Variants in DPP3 observed in about 807,000 individuals in gnomAD.
The protein encoded by DPP3 is dipeptidyl peptidase 3.
A neutral mutation model predicts 89.8 loss-of-function variants in DPP3; 64 were observed. That is an observed-to-expected ratio of 0.71 (90% confidence interval 0.58 to 0.88). The LOEUF (loss-of-function observed/expected upper bound fraction) is 0.88. Among genes scored for constraint, DPP3 ranks in the 40% least tolerant of loss-of-function variants. The pLI, the probability that DPP3 is intolerant of heterozygous loss-of-function variation, is 0.00. For missense variants in DPP3, 835 were observed against 972.5 expected (o/e 0.86, Z 1.88); for synonymous variants, 377 against 404.3 (o/e 0.93, Z 0.81).
rs1314199591 is a variant in DPP3 at position 66,491,471 on chromosome 11, TGACC to T, written c.799-18_799-15del. Reference sequence around the variant, plus strand: ...TGGAGGTGGGTGGGTGGCCCGAGGCTGACCGACCCCCGCTCACCTCAGGCCTATG... The same window carrying T: ...TGGAGGTGGGTGGGTGGCCCGAGGCTGACCCCCGCTCACCTCAGGCCTATG... On this transcript the variant is annotated intron_variant, in intron 7 of 17. Transcript: ENST00000531863. 1.3e-6 allele frequency: 2 copies of T among 1,597,338 alleles called. No homozygotes were observed. Among genetic ancestry groups the T allele is most frequent in the Non-Finnish European group, 1.7e-6 (2 of 1,169,168 alleles).
intron 16 of DPP3, among the ~76,000 whole-genome samples, chr11:66,502,429 T>C (rs940335588): frequency 1.3e-4 from 20 of 151,568 alleles, no homozygotes; most frequent in African/African-American, 4.8e-4. Flanking sequence ...TGCCTCAGCC[T>C]CCCGAGTAGC....
chr11:66,493,313 A>T (rs1377098140), intron 11 of DPP3, 134 bp downstream of exon 11: 2 of 861,262 alleles, frequency 2.3e-6, no homozygotes, highest in Non-Finnish European at 3.6e-6. Flanking sequence ...CAACCATGTG[A>T]CCGTGTGGAC....
intron 8 of DPP3, 25 bp downstream of exon 8, chr11:66,491,649 T>G (rs1402675629): frequency 6.4e-7 from 1 of 1,558,384 alleles, no homozygotes; most frequent in Non-Finnish European, 8.7e-7. Context: ...CCACCCCACC[T>G]GCCCCCTCCT....
At chr11:66,506,071 C>G (rs913580470) in intron 17 of DPP3, among the ~76,000 whole-genome samples, 2 of 152,066 alleles carry the variant, frequency 1.3e-5, no homozygotes, top group Non-Finnish European at 2.9e-5. Context: ...GCCCCAGTCT[C>G]CCGAGTAGCT....
At position 66,509,618 on chromosome 11, in the gene DPP3, A is replaced by G. The variant is rs935292400; in HGVS notation, c.*367A>G. The stretch of plus-strand genomic sequence containing the variant: ...CAAATCCAATGCTCCTCACATATTA[A>G]TTTTATAACCAGACAAATAAATATT... On this transcript the variant is annotated 3_prime_UTR_variant, in exon 18 of 18. Coordinates refer to ENST00000531863, the MANE Select transcript of DPP3 (RefSeq NM_130443.4). 21 of 591,034 alleles carry G rather than the reference A, an allele frequency of 3.6e-5. No homozygotes were observed. Among genetic ancestry groups the G allele is most frequent in the African/African-American group, 3.1e-4 (17 of 54,344 alleles). 36.6% of individuals were successfully genotyped at this position (591,034 alleles called of 1,614,324 possible). A position where few individuals can be genotyped will look rare whatever the true frequency, so the allele number is the denominator to read the frequency against.
intron 16 of DPP3, among the ~76,000 whole-genome samples, chr11:66,501,284 C>T (rs981731524): frequency 1.3e-5 from 2 of 151,550 alleles, no homozygotes; most frequent in African/African-American, 2.4e-5. Context: ...CACTTGAACC[C>T]GGGAGGTGGG....
chr11:66,491,427 C>G, intron 7 of DPP3, 44 bp downstream of exon 7: 1 of 1,606,016 alleles, frequency 6.2e-7, no homozygotes, highest in Non-Finnish European at 8.5e-7. Context: ...GAGGACCCCT[C>G]TGGGCAGCAG....
chr11:66,480,781 G>A, intron 1 of DPP3: 1 of 310,122 alleles, frequency 3.2e-6, no homozygotes. Flanking sequence ...TTCCAACGGG[G>A]CTGTCAGACC....
Position 66,497,436 on chromosome 11 carries a change from G to A in DPP3, c.1837G>A (p.Val613Met). ...VRLDRSKIRS[V>M]GKPALERFLR... ...CCTCGACCGCAGCAAGATCCGGTCT[G>A]TGGGCAAGCCTGCTCTAGAGCGCTT... is the stretch of plus-strand genomic sequence containing the variant. The change falls in exon 16 of 18, where the codon GTG becomes ATG. Residue 613 changes from valine (V) to methionine (M), a missense_variant. By Grantham distance (21) the Val-to-Met change is conservative (BLOSUM62 1). Coordinates refer to ENST00000531863, the MANE Select transcript of DPP3 (RefSeq NM_130443.4). 6.2e-7 allele frequency: 1 copy of A among 1,614,024 alleles called. No individual in the cohort carries two copies. Among genetic ancestry groups the A allele is most frequent in the South Asian group, 1.1e-5 (1 of 91,088 alleles).
intron 2 of DPP3, among the ~76,000 whole-genome samples, chr11:66,484,333 A>G (rs1468075077): frequency 1.3e-5 from 2 of 152,140 alleles, no homozygotes; most frequent in African/African-American, 2.4e-5. Context: ...ATTGGCTTAC[A>G]TGAAAAGGAG....
intron 16 of DPP3, among the ~76,000 whole-genome samples, chr11:66,502,148 C>T (rs1249471197): frequency 2.0e-5 from 3 of 151,962 alleles, no homozygotes; most frequent in African/African-American, 4.8e-5. Context: ...GCCAAGATCA[C>T]GCCACTGCGC....
chr11:66,492,562 G>T, intron 9 of DPP3, 154 bp from the exon 10 acceptor site: 1 of 876,490 alleles, frequency 1.1e-6, no homozygotes, highest in Middle Eastern at 3.7e-4. Context: ...TCCTGACCCA[G>T]TAGGGCCCAG....
chr11:66,486,586 AC>A lies in DPP3; in HGVS notation c.410del (p.Pro137GlnfsTer94). On this transcript the variant is annotated frameshift_variant, in exon 4 of 18. Coordinates refer to ENST00000531863, the MANE Select transcript of DPP3 (RefSeq NM_130443.4). LOFTEE classifies it high-confidence loss of function. ...VILGSEAAQQ[H>X]PEEVRGLWQT... ...CTAGGGAGTGAGGCTGCTCAGCAGCACCCAGAAGAAGTCAGGGGCCTCTGGC... is the reference window on the plus strand; with the variant it reads ...CTAGGGAGTGAGGCTGCTCAGCAGCACCAGAAGAAGTCAGGGGCCTCTGGC... 6.3e-7 allele frequency: 1 copy of A among 1,582,938 alleles called. No homozygotes were observed. Among genetic ancestry groups the A allele is most frequent in the Non-Finnish European group, 8.6e-7 (1 of 1,164,482 alleles).
chr11:66,481,241 C>G (rs997880662), intron 1 of DPP3, among the ~76,000 whole-genome samples: 12 of 152,178 alleles, frequency 7.9e-5, no homozygotes, highest in Non-Finnish European at 1.8e-4. Flanking sequence ...GTAATCCCAG[C>G]ACTTTGGGAG....
chr11:66,492,698 C>A lies in DPP3; in HGVS notation c.989-18C>A, dbSNP rs370596502. ...TCCTGGAACCCTGCCAAGCCACAAC[C>A]CCCTCCCTCCTCTGCAGGTTTCGTA... is the stretch of plus-strand genomic sequence containing the variant. On this transcript the variant is annotated intron_variant, in intron 9 of 17. Transcript: ENST00000531863. 5.2e-6 allele frequency: 8 copies of A among 1,547,744 alleles called. No individual in the cohort carries two copies. The highest frequency in any genetic ancestry group is 7.0e-6 in the Non-Finnish European group (8 of 1,149,488).
chr11:66,508,966 A>C, intron 17 of DPP3, 113 bp from the exon 18 acceptor site: 151 of 1,260,028 alleles, frequency 1.2e-4, no homozygotes, highest in Non-Finnish European at 1.6e-4. Context: ...TTTTTTTGGC[A>C]GAGCTCAGTA....
intron 16 of DPP3, among the ~76,000 whole-genome samples, chr11:66,503,884 CA>C (rs58851401): frequency 8.3e-4 from 116 of 139,952 alleles, no homozygotes; most frequent in Admixed American, 8.6e-4. Context: ...GACTCTGTCT[CA>C]AAAAAAAAAA....
At chr11:66,487,207 C>G (rs374576058) in intron 4 of DPP3, 61 bp from the exon 5 acceptor site, 1 of 1,536,114 alleles carries the variant, frequency 6.5e-7, no homozygotes, top group African/African-American at 1.4e-5. Flanking sequence ...GGGAATATGA[C>G]GTCCCTGCAG....
intron 16 of DPP3, among the ~76,000 whole-genome samples, chr11:66,498,830 TAGTG>T: frequency 6.6e-6 from 1 of 152,136 alleles, no homozygotes; most frequent in African/African-American, 2.4e-5. Context: ...CTGGGCAACA[TAGTG>T]AGACCTCATC....
Sources: allele counts gnomAD v4.1 joint callset (sites outside exome capture counted in the v4.1 genomes callset), GRCh38; gene constraint gnomAD v4.1.1; transcripts MANE v1.5; gene names NCBI Gene and HGNC (gene_info 2026-07-23, HGNC 2026-07-21).